METTL17: variants seen among roughly 807,000 people sequenced by gnomAD.
The protein encoded by METTL17 is ribosome assembly protein METTL17, mitochondrial.
METTL17 carries 49 observed loss-of-function variants against 59.4 expected under a neutral mutation model. The observed-to-expected ratio is 0.82, with a 90% CI of 0.66 to 1.05. METTL17 has a LOEUF of 1.05. Among genes scored for constraint, METTL17 ranks in the 50% least tolerant of loss-of-function variants. The pLI, the probability that METTL17 is intolerant of heterozygous loss-of-function variation, is 0.00. For synonymous variants in METTL17, 208 were observed against 209.2 expected (o/e 0.99, Z 0.05); for missense variants, 555 against 578.4 (o/e 0.96, Z 0.41).
chr14:20,994,752 T>C (rs747039112), intron 8 of METTL17, 42 bp from the exon 9 acceptor site: 48 of 1,552,386 alleles, frequency 3.1e-5, no homozygotes, highest in Non-Finnish European at 4.2e-5. Context: ...TCTTGGGATG[T>C]AGAGATGTTG....
chr14:20,990,185 C>T, intron 1 of METTL17, 45 bp from the exon 2 acceptor site: 7 of 1,613,274 alleles, frequency 4.3e-6, no homozygotes, highest in Non-Finnish European at 5.9e-6. Context: ...TTGCCAGCAA[C>T]TTTCCTTTCT....
Position 20,996,612 on chromosome 14 carries a change from C to G in METTL17, c.1166C>G (p.Thr389Ser). The part of the protein sequence containing the change: ...PEEAHRWPRI[T>S]QPVLKRPRHV... The stretch of plus-strand genomic sequence containing the variant: ...GAGGCTCATCGCTGGCCCCGTATCA[C>G]TCAGCCTGTCCTTAAACGGCCTCGC... The change falls in exon 13 of 14, where the codon ACT becomes AGT. Residue 389 changes from threonine to serine, a missense_variant. Transcript: ENST00000339374. 6.2e-7 allele frequency: 1 copy of G among 1,614,260 alleles called. No homozygotes were observed. The highest frequency in any genetic ancestry group is 8.5e-7 in the Non-Finnish European group (1 of 1,180,046).
Sources: gnomAD v4.1 joint callset for allele counts on GRCh38, gnomAD v4.1.1 for gene constraint, MANE v1.5 for transcripts, NCBI Gene and HGNC (gene_info 2026-07-23, HGNC 2026-07-21) for gene names.